The following DRC9 variants were observed in gnomAD, a reference collection of about 807,000 sequenced individuals.
The protein encoded by DRC9 is dynein regulatory complex subunit 9, also known as dynein regulatory complex protein 9.
chr3:197,922,152 G>C, the DRC9 span, among the ~76,000 whole-genome samples: 1 of 152,206 alleles, frequency 6.6e-6, no homozygotes, highest in African/African-American at 2.4e-5. Flanking sequence ...CTACGAAGCA[G>C]AATCTTGGTT....
the DRC9 span, among the ~76,000 whole-genome samples, chr3:197,927,589 AC>A: frequency 1.3e-5 from 2 of 152,330 alleles, no homozygotes; most frequent in Admixed American, 1.3e-4. Flanking sequence ...GCCAAAACAA[AC>A]TATAGATTAT....
chr3:197,908,291 G>GGGT, the DRC9 span, among the ~76,000 whole-genome samples: 2 of 140,348 alleles, frequency 1.4e-5, no homozygotes, highest in African/African-American at 2.8e-5. Context: ...GTTATCACAG[G>GGGT]GGTGACTGTA....
chr3:197,943,097 G>A, the DRC9 span, among the ~76,000 whole-genome samples: 1 of 152,154 alleles, frequency 6.6e-6, no homozygotes, highest in African/African-American at 2.4e-5. Context: ...GCTTCACAGA[G>A]GATTCATCAA....
the DRC9 span, among the ~76,000 whole-genome samples, chr3:197,907,281 G>T: frequency 1.3e-5 from 2 of 152,136 alleles, no homozygotes; most frequent in Non-Finnish European, 2.9e-5. Flanking sequence ...TGGTAGACGT[G>T]TAAGTCACAC....
chr3:197,943,920 G>A, the DRC9 span: 3 of 1,614,098 alleles, frequency 1.9e-6, no homozygotes, highest in Middle Eastern at 1.6e-4. Context: ...CGGGATTTCT[G>A]GGATGATTTC....
chr3:197,926,091 C>A, the DRC9 span: 3 of 1,554,422 alleles, frequency 1.9e-6, no homozygotes, highest in Non-Finnish European at 2.7e-6. Flanking sequence ...TATCTGTTTT[C>A]TTCCTTTTTC....
chr3:197,919,954 C>G, the DRC9 span, among the ~76,000 whole-genome samples: 1 of 151,790 alleles, frequency 6.6e-6, no homozygotes, highest in East Asian at 1.9e-4. Flanking sequence ...AAACCCAGCA[C>G]TTTGGGAGGC....
chr3:197,913,479 C>T, the DRC9 span: 2 of 311,616 alleles, frequency 6.4e-6, no homozygotes, highest in Non-Finnish European at 1.2e-5. Flanking sequence ...TCAGCGCTCT[C>T]GATGCTGTAT....
At chr3:197,916,130 GC>G in the DRC9 span, 8 of 151,826 alleles carry the variant, frequency 5.3e-5, no homozygotes, top group African/African-American at 1.9e-4. Context: ...ATGTCACCAT[GC>G]CTGGCTAACT....
the DRC9 span, among the ~76,000 whole-genome samples, chr3:197,896,609 T>C: frequency 1.3e-5 from 2 of 152,206 alleles, no homozygotes; most frequent in Non-Finnish European, 2.9e-5. Context: ...AACAAATTGA[T>C]TTGTCACAGT....
the DRC9 span, chr3:197,950,368 G>A: frequency 8.2e-7 from 1 of 1,213,552 alleles, no homozygotes; most frequent in Non-Finnish European, 1.0e-6. Context: ...CAGGATGGAG[G>A]AGATGTTGGG....
the DRC9 span, among the ~76,000 whole-genome samples, chr3:197,890,165 T>C: frequency 6.6e-6 from 1 of 151,872 alleles, no homozygotes; most frequent in African/African-American, 2.4e-5. Flanking sequence ...GAGGCTGAGG[T>C]GGGCAGATCA....
chr3:197,925,778 T>G, the DRC9 span, among the ~76,000 whole-genome samples: 1 of 151,846 alleles, frequency 6.6e-6, no homozygotes, highest in East Asian at 1.9e-4. Context: ...GAGATGGGGT[T>G]TCACCATGTT....
the DRC9 span, chr3:197,950,660 A>C: frequency 2.0e-6 from 1 of 509,172 alleles, no homozygotes; most frequent in South Asian, 2.5e-5. Flanking sequence ...TGATAACGGC[A>C]TGCATTTTCT....
At chr3:197,902,926 T>C in the DRC9 span, among the ~76,000 whole-genome samples, 1 of 152,058 alleles carries the variant, frequency 6.6e-6, no homozygotes, top group Non-Finnish European at 1.5e-5. Flanking sequence ...TGATTTGAAA[T>C]TATACTATAG....
At chr3:197,925,387 G>A in the DRC9 span, among the ~76,000 whole-genome samples, 1 of 129,568 alleles carries the variant, frequency 7.7e-6, no homozygotes, top group Admixed American at 7.7e-5. Context: ...GAGGTCATCT[G>A]TGGGGGAGGG....
the DRC9 span, among the ~76,000 whole-genome samples, chr3:197,926,467 A>G: frequency 7.2e-5 from 11 of 152,230 alleles, no homozygotes; most frequent in Non-Finnish European, 1.5e-4. Flanking sequence ...GGGCACTTCA[A>G]TTACATATTC....
the DRC9 span, chr3:197,892,806 G>A: frequency 8.7e-6 from 14 of 1,608,006 alleles, no homozygotes; most frequent in South Asian, 2.2e-5. Flanking sequence ...GACACAAAAC[G>A]CTGTATACTG....
the DRC9 span, among the ~76,000 whole-genome samples, chr3:197,948,326 T>A: frequency 6.6e-6 from 1 of 152,346 alleles, no homozygotes; most frequent in Non-Finnish European, 1.5e-5. Context: ...GTCCAAGTGA[T>A]CCTTTCGCTG....
Sources: allele counts gnomAD v4.1 joint callset (sites outside exome capture counted in the v4.1 genomes callset), GRCh38; gene constraint gnomAD v4.1.1; transcripts MANE v1.5; gene names NCBI Gene and HGNC (gene_info 2026-07-23, HGNC 2026-07-21).